Variants in ADGRL3 observed in about 807,000 individuals in gnomAD.
The protein encoded by ADGRL3 is adhesion G protein-coupled receptor L3, also known as calcium-independent alpha-latrotoxin receptor 3.
ADGRL3 carries 62 observed loss-of-function variants against 153.5 expected under a neutral mutation model. That is an observed-to-expected ratio of 0.40 (90% CI 0.33 to 0.50). The LOEUF (loss-of-function observed/expected upper bound fraction) is 0.50, where lower values mean the gene tolerates loss of function less well. Among genes scored for constraint, ADGRL3 ranks in the 20% least tolerant of loss-of-function variants. The pLI, the probability that ADGRL3 is intolerant of heterozygous loss-of-function variation, is 0.47. For synonymous variants in ADGRL3, 710 were observed against 672.5 expected, an observed-to-expected ratio of 1.06 and a Z score of -0.86; for missense variants, 1,641 against 1,859.4, an observed-to-expected ratio of 0.88 and a Z score of 2.16.
chr4:61,835,522 A>T (rs994844868), intron 9 of ADGRL3, among the ~76,000 whole-genome samples: 12 of 151,860 alleles, frequency 7.9e-5, no homozygotes, highest in Admixed American at 4.6e-4. Context: ...CTCTTTAAAA[A>T]AAATAAATCC....
chr4:61,940,068 T>C (rs1581558644), intron 15 of ADGRL3, among the ~76,000 whole-genome samples: 2 of 118,422 alleles, frequency 1.7e-5, no homozygotes, highest in Admixed American at 1.8e-4. Flanking sequence ...CTCCCAATGC[T>C]ATCCCTCCCC....
chr4:61,453,432 T>C (rs2097698208), intron 2 of ADGRL3, among the ~76,000 whole-genome samples: 2 of 152,132 alleles, frequency 1.3e-5, no homozygotes. Flanking sequence ...GGGGTAACGA[T>C]TGACATGCAT....
At chr4:61,886,745 A>G (rs7686930) in intron 9 of ADGRL3, among the ~76,000 whole-genome samples, 117,766 of 151,674 alleles carry the variant, frequency 0.78, 45,931 homozygotes, top group South Asian at 0.84. Context: ...GGGTTCAGGC[A>G]ATTCTCCTGC....
chr4:61,645,763 C>G (rs1313428215), intron 5 of ADGRL3, among the ~76,000 whole-genome samples: 1 of 151,886 alleles, frequency 6.6e-6, no homozygotes, highest in Non-Finnish European at 1.5e-5. Flanking sequence ...AATTATGTGT[C>G]TTGGAGTTGC....
chr4:61,455,889 C>T (rs559145452), intron 2 of ADGRL3, among the ~76,000 whole-genome samples: 6 of 152,046 alleles, frequency 3.9e-5, no homozygotes, highest in East Asian at 3.9e-4. Flanking sequence ...GATCTCGGCT[C>T]GCTACAGCCT....
chr4:62,041,346 G>T (rs1292413550), intron 24 of ADGRL3, among the ~76,000 whole-genome samples: 1 of 151,862 alleles, frequency 6.6e-6, no homozygotes, highest in Non-Finnish European at 1.5e-5. Context: ...ACTATGGACT[G>T]AAATAATATC....
chr4:61,531,076 T>C (rs962949573), intron 4 of ADGRL3, among the ~76,000 whole-genome samples: 1 of 152,154 alleles, frequency 6.6e-6, no homozygotes, highest in African/African-American at 2.4e-5. Flanking sequence ...ATATTTGTGA[T>C]TTATAGAATA....
rs372049192 is a variant in ADGRL3 at position 61,985,941 on chromosome 4, G to T, written c.3236+2338G>T. Among the ~76,000 whole-genome samples, 5 of 148,960 alleles carry T rather than the reference G, an allele frequency of 3.4e-5. No individual in the cohort carries two copies. The East Asian group carries it at 9.7e-4, about 29-fold the overall frequency. On this transcript the variant is annotated intron_variant, in intron 19 of 26. Transcript: ENST00000683033. ...AAAACAAAAAAACACGTTATCTGAG[G>T]TTGTCCCTAAAGATGTCTTAGGGGA...
At chr4:61,414,013 T>TAG (rs2097118460) in intron 2 of ADGRL3, among the ~76,000 whole-genome samples, 1 of 152,234 alleles carries the variant, frequency 6.6e-6, no homozygotes, top group Non-Finnish European at 1.5e-5. Context: ...AATTTTTCTA[T>TAG]AGTCATTGTG....
chr4:61,614,203 A>G (rs960720089), intron 5 of ADGRL3, among the ~76,000 whole-genome samples: 1 of 152,204 alleles, frequency 6.6e-6, no homozygotes, highest in Admixed American at 6.5e-5. Flanking sequence ...AAAGGCTACC[A>G]GCATAATGCT....
At chr4:61,948,045 A>T in intron 16 of ADGRL3, 55 bp from the exon 17 acceptor site, 1 of 1,437,078 alleles carries the variant, frequency 7.0e-7, no homozygotes, top group Non-Finnish European at 9.5e-7. Flanking sequence ...ATGCCAACCT[A>T]ATTTACATGA....
rs373736658 is a variant in ADGRL3, at chr4:61,892,712, C to T, written c.1537C>T (p.Arg513Trp). ...AAGCACTACCACCAGTACCACCCTT[C>T]GGACCACAACTTTGAGCCCAGGAAG... ...MGSTTTSTTLRTTTLSPGRST... is the reference protein window; with the variant it reads ...MGSTTTSTTLWTTTLSPGRST... Residue 513 changes from arginine (R) to tryptophan (W), a missense_variant, in exon 10 of 27, where the codon CGG becomes TGG. Transcript: ENST00000683033. The T allele has an allele frequency of 1.9e-5, 31 of 1,613,822 alleles. No individual in the cohort carries two copies. Among genetic ancestry groups the T allele is most frequent in the South Asian group, 7.7e-5 (7 of 91,084 alleles).
At chr4:61,963,290 A>G (rs536404294) in intron 17 of ADGRL3, among the ~76,000 whole-genome samples, 1 of 148,814 alleles carries the variant, frequency 6.7e-6, no homozygotes, top group African/African-American at 2.5e-5. Flanking sequence ...GGTTCAGGGG[A>G]TACATGTGCA....
At chr4:61,619,203 G>T in intron 5 of ADGRL3, among the ~76,000 whole-genome samples, 1 of 152,090 alleles carries the variant, frequency 6.6e-6, no homozygotes, top group East Asian at 1.9e-4. Context: ...ACCGGTGGCT[G>T]TCTTTGTAAT....
chr4:61,958,036 T>G (rs2098974044), intron 17 of ADGRL3, among the ~76,000 whole-genome samples: 1 of 152,198 alleles, frequency 6.6e-6, no homozygotes, highest in African/African-American at 2.4e-5. Flanking sequence ...GCTTGTCACA[T>G]AATGAGTATT....
chr4:61,657,567 C>T (rs1349253254), intron 5 of ADGRL3, among the ~76,000 whole-genome samples: 2 of 151,984 alleles, frequency 1.3e-5, no homozygotes, highest in African/African-American at 4.8e-5. Context: ...TCTCATTTAA[C>T]ACCAAGAGTC....
At chr4:61,247,935 T>G (rs1053200731) in intron 1 of ADGRL3, among the ~76,000 whole-genome samples, 12 of 152,176 alleles carry the variant, frequency 7.9e-5, no homozygotes, top group African/African-American at 2.9e-4. Context: ...AGCAAAGAAA[T>G]GAACCACATG....
At chr4:61,644,566 C>G (rs7669411) in intron 5 of ADGRL3, among the ~76,000 whole-genome samples, 56,114 of 151,888 alleles carry the variant, frequency 0.37, 12,017 homozygotes, top group Non-Finnish European at 0.5. Context: ...TCAGGAGCAG[C>G]TTGTTCAGTT....
chr4:61,474,198 A>C (rs2098011879), intron 2 of ADGRL3, among the ~76,000 whole-genome samples: 1 of 152,186 alleles, frequency 6.6e-6, no homozygotes, highest in African/African-American at 2.4e-5. Flanking sequence ...ACTTGAGCAA[A>C]ATTCCTCTGA....
Sources: gnomAD v4.1 joint callset for allele counts (sites outside exome capture counted in the v4.1 genomes callset) on GRCh38, gnomAD v4.1.1 for gene constraint, MANE v1.5 for transcripts, NCBI Gene and HGNC (gene_info 2026-07-23, HGNC 2026-07-21) for gene names.